CNTN3: variants seen among roughly 807,000 people sequenced by gnomAD.
The protein encoded by CNTN3 is contactin 3.
Under a neutral mutation model 119.1 loss-of-function variants are expected in CNTN3, and 60 were observed. The ratio of observed to expected loss-of-function variants is 0.50; its 90% confidence interval spans 0.41 to 0.62. The LOEUF (loss-of-function observed/expected upper bound fraction) is 0.62. Among genes scored for constraint, CNTN3 ranks in the 20% least tolerant of loss-of-function variants. The pLI is 0.00. For missense variants in CNTN3, 1,101 were observed against 1,242.4 expected (o/e 0.89, Z 1.71); for synonymous variants, 450 against 438.7 (o/e 1.03, Z -0.32).
chr3:74,587,062 C>T (rs1243541793), intron 1 of CNTN3, among the ~76,000 whole-genome samples: 1 of 151,882 alleles, frequency 6.6e-6, no homozygotes, highest in South Asian at 2.1e-4. Flanking sequence ...AGTCCAAACC[C>T]AGTCAAAAAG....
chr3:74,459,737 T>G (rs913440638), intron 4 of CNTN3, among the ~76,000 whole-genome samples: 4 of 152,012 alleles, frequency 2.6e-5, no homozygotes, highest in Non-Finnish European at 5.9e-5. Flanking sequence ...ACCTTTAAGG[T>G]AGTGTGCCCA....
intron 11 of CNTN3, among the ~76,000 whole-genome samples, chr3:74,355,901 T>G (rs1703924137): frequency 6.6e-6 from 1 of 152,038 alleles, no homozygotes; most frequent in Admixed American, 6.5e-5. Flanking sequence ...TTACCTCTAC[T>G]GCCCAATTCT....
At chr3:74,481,497 CT>C (rs1428153888) in intron 4 of CNTN3, among the ~76,000 whole-genome samples, 1 of 151,782 alleles carries the variant, frequency 6.6e-6, no homozygotes, top group East Asian at 1.9e-4. Flanking sequence ...CATGTCACGT[CT>C]GATAACTCAC....
At chr3:74,447,129 T>C (rs1234695311) in intron 4 of CNTN3, among the ~76,000 whole-genome samples, 1 of 152,312 alleles carries the variant, frequency 6.6e-6, no homozygotes, top group Middle Eastern at 3.4e-3. Flanking sequence ...AAGAATGATG[T>C]AGTATTGCAA....
intron 5 of CNTN3, among the ~76,000 whole-genome samples, chr3:74,376,287 T>C (rs1428137664): frequency 6.6e-6 from 1 of 152,120 alleles, no homozygotes; most frequent in Non-Finnish European, 1.5e-5. Flanking sequence ...TGTGGCCTGT[T>C]AGGAACCAGG....
chr3:74,381,594 T>C (rs1426541663), intron 5 of CNTN3, among the ~76,000 whole-genome samples: 1 of 152,174 alleles, frequency 6.6e-6, no homozygotes, highest in Admixed American at 6.5e-5. Context: ...ATAGTGTTTG[T>C]ACTACCTCAG....
intron 4 of CNTN3, among the ~76,000 whole-genome samples, chr3:74,437,414 A>G (rs1013393615): frequency 2.6e-5 from 4 of 152,100 alleles, no homozygotes; most frequent in Admixed American, 2.6e-4. Context: ...GTGAGCCGAG[A>G]TCGCACCACT....
intron 1 of CNTN3, among the ~76,000 whole-genome samples, chr3:74,573,172 A>T (rs1471521221): frequency 6.6e-6 from 1 of 152,174 alleles, no homozygotes; most frequent in African/African-American, 2.4e-5. Context: ...GTCAACATGA[A>T]TGTATTAATA....
In CNTN3 at chr3:74,499,789, T is replaced by C. The variant is rs775658559; in HGVS notation, c.56-4A>G. ...GGGCCTTGTAAGAGAAGCTCACCTA[T>C]ATGGGTGGGAGACATCCAAAAAATA... is the stretch of plus-strand genomic sequence containing the variant. On this transcript the variant is annotated splice_region_variant and splice_polypyrimidine_tract_variant and intron_variant, in intron 2 of 22. Transcript: ENST00000263665. The C allele has an allele frequency of 3.8e-6, 6 of 1,597,064 alleles. No homozygotes were observed. The highest frequency in any genetic ancestry group is 4.5e-5 in the East Asian group (2 of 44,654).
At chr3:74,610,165 A>C (rs1705056800) in intron 1 of CNTN3, among the ~76,000 whole-genome samples, 1 of 151,990 alleles carries the variant, frequency 6.6e-6, no homozygotes, top group African/African-American at 2.4e-5. Flanking sequence ...TCTACAAAAA[A>C]TCCAAAAATT....
At chr3:74,406,693 T>G (rs922185335) in intron 5 of CNTN3, among the ~76,000 whole-genome samples, 2 of 152,142 alleles carry the variant, frequency 1.3e-5, no homozygotes, top group African/African-American at 4.8e-5. Flanking sequence ...ATCCAGATAC[T>G]TTACTTCTTT....
intron 5 of CNTN3, among the ~76,000 whole-genome samples, chr3:74,374,020 C>T (rs1376505622): frequency 6.6e-6 from 1 of 152,082 alleles, no homozygotes; most frequent in African/African-American, 2.4e-5. Context: ...GCACTGTGGC[C>T]ACACACCTCC....
intron 5 of CNTN3, among the ~76,000 whole-genome samples, chr3:74,405,288 C>T (rs908203505): frequency 6.6e-6 from 1 of 151,860 alleles, no homozygotes; most frequent in African/African-American, 2.4e-5. Flanking sequence ...TTTGAAATGC[C>T]CCCTTAATCA....
chr3:74,369,091 G>T, intron 8 of CNTN3, 98 bp downstream of exon 8: 1 of 800,346 alleles, frequency 1.2e-6, no homozygotes, highest in Non-Finnish European at 1.8e-6. Context: ...GTTGAACATT[G>T]GGATTCTGCT....
rs761720774 is a variant in CNTN3, at chr3:74,285,370, C to T, written c.2639G>A (p.Arg880Gln). The change falls in exon 20 of 23, where the codon CGG becomes CAG. Residue 880 changes from arginine (R) to glutamine (Q), a missense_variant. Transcript: ENST00000263665. ...KSNLAYYTAV[R>Q]AYNSAGAGPF... Reference sequence around the variant, plus strand: ...CCCAGCGCCGGCACTGTTGTAAGCCCGGACAGCCGTGTAATAGGCCAGGTT... The same window carrying T: ...CCCAGCGCCGGCACTGTTGTAAGCCTGGACAGCCGTGTAATAGGCCAGGTT... The T allele has an allele frequency of 3.7e-6, 6 of 1,613,358 alleles. No individual in the cohort carries two copies. Among genetic ancestry groups the T allele is most frequent in the Admixed American group, 1.7e-5 (1 of 59,934 alleles).
chr3:74,383,849 T>C (rs575256071), intron 5 of CNTN3, among the ~76,000 whole-genome samples: 1 of 152,312 alleles, frequency 6.6e-6, no homozygotes, highest in South Asian at 2.1e-4. Context: ...AATACTGAAT[T>C]GATTGAATAT....
intron 3 of CNTN3, among the ~76,000 whole-genome samples, chr3:74,495,008 T>C (rs1703034965): frequency 1.3e-5 from 2 of 152,098 alleles, no homozygotes. Context: ...GAGGTGTATC[T>C]ACCTCTGTTT....
chr3:74,440,716 A>G (rs2106927579), intron 4 of CNTN3, among the ~76,000 whole-genome samples: 1 of 152,264 alleles, frequency 6.6e-6, no homozygotes, highest in South Asian at 2.1e-4. Context: ...GGTTTGTTAC[A>G]AAGGTATACA....
At chr3:74,381,374 T>C (rs527829351) in intron 5 of CNTN3, among the ~76,000 whole-genome samples, 4 of 152,202 alleles carry the variant, frequency 2.6e-5, no homozygotes, top group East Asian at 3.9e-4. Flanking sequence ...TGTCTGGATA[T>C]GCAAAATAAA....
Sources: allele counts gnomAD v4.1 joint callset (sites outside exome capture counted in the v4.1 genomes callset), GRCh38; gene constraint gnomAD v4.1.1; transcripts MANE v1.5; gene names NCBI Gene and HGNC (gene_info 2026-07-23, HGNC 2026-07-21).